The following FANCA variants were observed in gnomAD, a reference collection of about 807,000 sequenced individuals.
FANCA encodes the protein FA complementation group A.
A neutral mutation model predicts 194.3 loss-of-function variants in FANCA; 236 were observed. That is an observed-to-expected ratio of 1.21 (90% CI 1.09 to 1.35). FANCA has a LOEUF of 1.35. Among genes scored for constraint, FANCA ranks in the 40% most tolerant of loss-of-function variants. The probability of loss-of-function intolerance (pLI) is 0.00; values close to 1 mark genes in which losing one functional copy is unlikely to be tolerated. For synonymous variants in FANCA, 1,014 were observed against 715.8 expected, an observed-to-expected ratio of 1.42 and a Z score of -6.65; for missense variants, 2,628 against 1,813.9, an observed-to-expected ratio of 1.45 and a Z score of -8.15.
chr16:89,758,706 C>G lies in FANCA; in HGVS notation c.2853-1G>C. Reference sequence around the variant, plus strand: ...GATCGCCCACTGGTGGAAGTCCTGCCTAGAACAGCAAACACTGCTATCAAT... The same window carrying G: ...GATCGCCCACTGGTGGAAGTCCTGCGTAGAACAGCAAACACTGCTATCAAT... On this transcript the variant is annotated splice_acceptor_variant, in intron 29 of 42. Coordinates refer to ENST00000389301, the MANE Select transcript of FANCA (RefSeq NM_000135.4). LOFTEE classifies it high-confidence loss of function. The G allele has an allele frequency of 6.2e-7, 1 of 1,613,506 alleles. No homozygotes were observed. Among genetic ancestry groups the G allele is most frequent in the Non-Finnish European group, 8.5e-7 (1 of 1,179,576 alleles).
chr16:89,808,150 T>G, intron 6 of FANCA, 144 bp downstream of exon 6: 1 of 774,226 alleles, frequency 1.3e-6, no homozygotes, highest in Non-Finnish European at 2.3e-6. Context: ...TCTAGTCTAG[T>G]ATAAATATGC....
Position 89,814,490 on chromosome 16 carries a change from C to A in FANCA, c.283+30G>T, listed in dbSNP as rs752457748. Reference sequence around the variant, plus strand: ...ACTATATAAAAACCCTTCTGCAATTCAAAATAGAGAAAATGAAGCTATAAC... The same window carrying A: ...ACTATATAAAAACCCTTCTGCAATTAAAAATAGAGAAAATGAAGCTATAAC... On this transcript the variant is annotated intron_variant, in intron 3 of 42. Coordinates refer to ENST00000389301, the MANE Select transcript of FANCA (RefSeq NM_000135.4). The A allele has an allele frequency of 5.3e-6, 8 of 1,506,718 alleles. No individual in the cohort carries two copies. The African/African-American group carries it at 9.6e-5, about 18-fold the overall frequency. The allele number at this position is 1,506,718 out of a possible 1,614,324, so 93.3% of individuals were successfully genotyped here. A position where few individuals can be genotyped will look rare whatever the true frequency, so the allele number is the denominator to read the frequency against.
At chr16:89,739,788 A>AGGCC (rs2062080578) in intron 39 of FANCA, 1 of 1,468,404 alleles carries the variant, frequency 6.8e-7, no homozygotes, top group Non-Finnish European at 9.0e-7. Context: ...TCCCCATGAT[A>AGGCC]GGCCCATTGG....
chr16:89,813,355 C>T (rs1567656408), intron 3 of FANCA, among the ~76,000 whole-genome samples: 2 of 151,448 alleles, frequency 1.3e-5, no homozygotes, highest in East Asian at 1.9e-4. Context: ...CTGCAGTGAG[C>T]CGTGATTGCA....
chr16:89,789,307 G>GC (rs1567633812), intron 14 of FANCA, among the ~76,000 whole-genome samples: 1 of 89,052 alleles, frequency 1.1e-5, no homozygotes, highest in African/African-American at 7.0e-5. Flanking sequence ...CAGAAGGCCT[G>GC]GGGGGGGAGC....
In FANCA at chr16:89,808,180, C is replaced by G. The variant is rs554353240; in HGVS notation, c.596+114G>C. 4.0e-5 allele frequency: 39 copies of G among 972,976 alleles called. No homozygotes were observed. In the African/African-American group the frequency reaches 6.1e-4, roughly 15 times the overall value. 60.3% of individuals were successfully genotyped at this position (972,976 alleles called of 1,614,324 possible). A position where few individuals can be genotyped will look rare whatever the true frequency, so the allele number is the denominator to read the frequency against. The stretch of plus-strand genomic sequence containing the variant: ...ATATGCAATGCAATCTAGTCTAGTA[C>G]AAATTATATGTCAAAGCCAGAAATC... On this transcript the variant is annotated intron_variant, in intron 6 of 42. Coordinates refer to ENST00000389301, the MANE Select transcript of FANCA (RefSeq NM_000135.4).
At chr16:89,758,943 C>T (rs1175459595) in intron 29 of FANCA, among the ~76,000 whole-genome samples, 7 of 152,088 alleles carry the variant, frequency 4.6e-5, no homozygotes, top group African/African-American at 1.7e-4. Flanking sequence ...TTCCACGGAT[C>T]AAAGGCCACT....
intron 2 of FANCA, among the ~76,000 whole-genome samples, chr16:89,814,940 C>CA (rs1014761910): frequency 6.6e-5 from 10 of 150,932 alleles, no homozygotes; most frequent in African/African-American, 1.9e-4. Flanking sequence ...GACTTTGTCT[C>CA]AAAAAAAATA....
At chr16:89,776,993 T>C (rs779336726) in intron 20 of FANCA, among the ~76,000 whole-genome samples, 1 of 151,766 alleles carries the variant, frequency 6.6e-6, no homozygotes, top group Non-Finnish European at 1.5e-5. Context: ...AGGAGGATTA[T>C]TTGAGGCCAA....
At position 89,738,340 on chromosome 16, in the gene FANCA, A is replaced by G; in HGVS notation, c.*261T>C. ...GTGTGCACCCGCATGGGAGGGTCGG[A>G]GGGTGCTGCCCGCCCTTGGTGCTGG... On this transcript the variant is annotated 3_prime_UTR_variant, in exon 43 of 43. Transcript: ENST00000389301. The G allele has an allele frequency of 4.7e-6, 7 of 1,494,190 alleles. No homozygotes were observed. Among genetic ancestry groups the G allele is most frequent in the Non-Finnish European group, 6.2e-6 (7 of 1,120,950 alleles). 92.6% of individuals were successfully genotyped at this position (1,494,190 alleles called of 1,614,324 possible).
intron 5 of FANCA, among the ~76,000 whole-genome samples, chr16:89,809,890 G>GTGGC (rs2040809370): frequency 6.6e-6 from 1 of 151,824 alleles, no homozygotes; most frequent in Non-Finnish European, 1.5e-5. Context: ...ACTGGGCATG[G>GTGGC]TGGCACGCGC....
intron 11 of FANCA, among the ~76,000 whole-genome samples, chr16:89,794,840 C>G (rs961023772): frequency 1.3e-5 from 2 of 152,132 alleles, no homozygotes; most frequent in Admixed American, 1.3e-4. Context: ...CAGACGATGC[C>G]TGGGCCATCA....
rs1044759612 is a variant in FANCA at position 89,792,519 on chromosome 16, C to T, written c.1035G>A (p.Glu345=). The change falls in exon 12 of 43, where the codon GAG becomes GAA. Residue 345 remains glutamate (E), a synonymous_variant. Coordinates refer to ENST00000389301, the MANE Select transcript of FANCA (RefSeq NM_000135.4). ...KASDAVQMQR[E]WSFARTHPLL... Reference sequence around the variant, plus strand: ...GAGGGTGTGTCCGCGCAAAGCTCCACTCTCTCTGCATCTGAACAGCATCAG... The same window carrying T: ...GAGGGTGTGTCCGCGCAAAGCTCCATTCTCTCTGCATCTGAACAGCATCAG... 6.2e-7 allele frequency: 1 copy of T among 1,613,466 alleles called. No homozygotes were observed. The highest frequency in any genetic ancestry group is 2.2e-5 in the East Asian group (1 of 44,888).
At chr16:89,771,909 C>T (rs113163907) in intron 22 of FANCA, 95 bp from the exon 23 acceptor site, 6 of 1,424,020 alleles carry the variant, frequency 4.2e-6, no homozygotes, top group African/African-American at 2.8e-5. Flanking sequence ...AAGTACGATT[C>T]CACGGATCCT....
chr16:89,785,563 C>G (rs758290029), intron 14 of FANCA, among the ~76,000 whole-genome samples: 1 of 152,072 alleles, frequency 6.6e-6, no homozygotes, highest in Admixed American at 6.6e-5. Flanking sequence ...CTCCCAGGAA[C>G]GAAGGGGGCT....
rs2151716800 is a variant in FANCA, at chr16:89,740,837, CAAG to C, written c.3792_3794del (p.Leu1265del). 6.2e-7 allele frequency: 1 copy of C among 1,613,522 alleles called. No homozygotes were observed. Among genetic ancestry groups the C allele is most frequent in the Non-Finnish European group, 8.5e-7 (1 of 1,179,736 alleles). On this transcript the variant is annotated inframe_deletion, in exon 38 of 43. Coordinates refer to ENST00000389301, the MANE Select transcript of FANCA (RefSeq NM_000135.4). ...TCAGATGTGACGACAGCAGGCCCAT[CAAG>C]GAGAAGAAGAAAAGGAAAACCAATA...
At chr16:89,802,893 G>T (rs1039053593) in intron 8 of FANCA, among the ~76,000 whole-genome samples, 1 of 152,140 alleles carries the variant, frequency 6.6e-6, no homozygotes, top group Non-Finnish European at 1.5e-5. Flanking sequence ...AGATGAGAAG[G>T]GTATATGCAG....
chr16:89,805,441 T>C, intron 6 of FANCA, 49 bp from the exon 7 acceptor site: 1 of 1,474,178 alleles, frequency 6.8e-7, no homozygotes, highest in Non-Finnish European at 9.5e-7. Context: ...AATCCCATCA[T>C]CAGGGGATTG....
At chr16:89,764,389 C>T (rs1319175022) in intron 28 of FANCA, among the ~76,000 whole-genome samples, 1 of 152,124 alleles carries the variant, frequency 6.6e-6, no homozygotes, top group Non-Finnish European at 1.5e-5. Context: ...ACTGCAACCT[C>T]CACCTCCTGG....
Sources: gnomAD v4.1 joint callset for allele counts (sites outside exome capture counted in the v4.1 genomes callset) on GRCh38, gnomAD v4.1.1 for gene constraint, MANE v1.5 for transcripts, NCBI Gene and HGNC (gene_info 2026-07-23, HGNC 2026-07-21) for gene names.